The following CXCR5 variants were observed in gnomAD, a reference collection of about 807,000 sequenced individuals.
CXCR5 encodes C-X-C motif chemokine receptor 5.
CXCR5 carries 3 observed loss-of-function variants against 5.6 expected under a neutral mutation model. The ratio of observed to expected loss-of-function variants is 0.54; its 90% CI spans 0.24 to 1.39. CXCR5 has a LOEUF of 1.39. CXCR5 is among the 40% of genes most tolerant of loss of function. The pLI is 0.16. For missense variants in CXCR5, 333 were observed against 494.6 expected (o/e 0.67, Z 3.10); for synonymous variants, 218 against 219.9 (o/e 0.99, Z 0.08).
intron 1 of CXCR5, among the ~76,000 whole-genome samples, chr11:118,885,551 T>C (rs1218933003): frequency 6.6e-6 from 1 of 152,194 alleles, no homozygotes; most frequent in Non-Finnish European, 1.5e-5. Context: ...GCCGCTGGCC[T>C]CGCCTGATTA....
At chr11:118,890,896 C>G (rs951080923) in intron 1 of CXCR5, among the ~76,000 whole-genome samples, 8 of 152,220 alleles carry the variant, frequency 5.3e-5, no homozygotes, top group African/African-American at 1.4e-4. Flanking sequence ...CATGGGTACT[C>G]TAAAGAAAGT....
chr11:118,886,732 C>T (rs3176911), intron 1 of CXCR5: 1 of 238,268 alleles, frequency 4.2e-6, no homozygotes. Flanking sequence ...TAAACTATAC[C>T]TCCAGCCCCA....
In CXCR5 at chr11:118,894,571, A is replaced by G. The variant is rs757234761; in HGVS notation, c.1027A>G (p.Thr343Ala). 7 of 1,545,654 alleles carry G rather than the reference A, an allele frequency of 4.5e-6. No homozygotes were observed. The Admixed American group carries it at 7.6e-5, about 17-fold the overall frequency. The change falls in exon 2 of 2, where the codon ACC becomes GCC. Residue 343 changes from threonine to alanine, a missense_variant. Physicochemically the swap from Thr to Ala is moderately conservative, Grantham distance 58. Transcript: ENST00000292174. The surrounding 1 kb of genome is among the most constrained non-coding windows in gnomAD (Gnocchi z 6.1). ...GCGGCTCCTGACGAAGCTGGGCTGT[A>G]CCGGCCCTGCCTCCCTGTGCCAGCT... ...LSRLLTKLGC[T>A]GPASLCQLFP...
Position 118,895,461 on chromosome 11 carries a change from G to A in CXCR5, c.*798G>A, listed in dbSNP as rs896559579. On this transcript the variant is annotated 3_prime_UTR_variant, in exon 2 of 2. Coordinates refer to ENST00000292174, the MANE Select transcript of CXCR5 (RefSeq NM_001716.5). This position sits in a 1 kb window ranked among gnomAD's most constrained non-coding sequence, Gnocchi z 4.2. Reference sequence around the variant, plus strand: ...GAGGGAAGAAAAGAGCTTTCTTCCCGAACCCCAAGGAGGGAGATGGATCAA... The same window carrying A: ...GAGGGAAGAAAAGAGCTTTCTTCCCAAACCCCAAGGAGGGAGATGGATCAA... 4 of 167,158 alleles carry A rather than the reference G, an allele frequency of 2.4e-5. No individual in the cohort carries two copies. The highest frequency in any genetic ancestry group is 4.4e-5 in the Non-Finnish European group (3 of 68,134). 10.4% of individuals were successfully genotyped at this position (167,158 alleles called of 1,614,324 possible).
chr11:118,894,890 C>T lies in CXCR5; in HGVS notation c.*227C>T, dbSNP rs1330462073. 3.4e-5 allele frequency: 16 copies of T among 465,060 alleles called. No homozygotes were observed. In the Admixed American group the frequency reaches 5.7e-4, roughly 17 times the overall value. The allele number at this position is 465,060 out of a possible 1,614,324, so 28.8% of individuals were successfully genotyped here. On this transcript the variant is annotated 3_prime_UTR_variant, in exon 2 of 2. Coordinates refer to ENST00000292174, the MANE Select transcript of CXCR5 (RefSeq NM_001716.5). The surrounding 1 kb of genome is among the most constrained non-coding windows in gnomAD (Gnocchi z 6.1). ...GGAGCCCAGGGAGCGGAAAGCAGCT[C>T]AAAGGCACAGTGAAGGCTGTCCTTA... is the stretch of plus-strand genomic sequence containing the variant.
Position 118,895,119 on chromosome 11 carries a change from G to A in CXCR5, c.*456G>A, listed in dbSNP as rs539783663. Reference sequence around the variant, plus strand: ...CACCTGTCAAACAAAGCCAGAAGCTGAGCACCAGGGGATGAGTGGAGGTTA... The same window carrying A: ...CACCTGTCAAACAAAGCCAGAAGCTAAGCACCAGGGGATGAGTGGAGGTTA... On this transcript the variant is annotated 3_prime_UTR_variant, in exon 2 of 2. Coordinates refer to ENST00000292174, the MANE Select transcript of CXCR5 (RefSeq NM_001716.5). This position sits in a 1 kb window ranked among gnomAD's most constrained non-coding sequence, Gnocchi z 4.2. The A allele has an allele frequency of 5.8e-6, 1 of 171,922 alleles. No homozygotes were observed. Among genetic ancestry groups the A allele is most frequent in the East Asian group, 1.9e-4 (1 of 5,304 alleles). The allele number at this position is 171,922 out of a possible 1,614,324, so 10.6% of individuals were successfully genotyped here.
chr11:118,883,987 G>A lies in CXCR5; in HGVS notation c.46G>A (p.Asp16Asn), dbSNP rs1386009513. 2 of 1,612,668 alleles carry A rather than the reference G, an allele frequency of 1.2e-6. No homozygotes were observed. ...TLEMDLENLEDLFWELDRLDN... is the reference protein window; with the variant it reads ...TLEMDLENLENLFWELDRLDN... ...GGAAATGGACCTCGAGAACCTGGAG[G>A]ACCTGGTGAGTAGACACGGGTAGCT... Residue 16 changes from aspartate (D) to asparagine (N), a missense_variant, in exon 1 of 2, where the codon GAC becomes AAC. Coordinates refer to ENST00000292174, the MANE Select transcript of CXCR5 (RefSeq NM_001716.5).
Position 118,897,016 on chromosome 11 carries a change from T to C in CXCR5, c.*2353T>C, listed in dbSNP as rs1044125012. Reference sequence around the variant, plus strand: ...CCAAGGGGGAGGCAGTGGCTGTGCCTGGGTGGGCACAGACAGATCTGGTAC... The same window carrying C: ...CCAAGGGGGAGGCAGTGGCTGTGCCCGGGTGGGCACAGACAGATCTGGTAC... On this transcript the variant is annotated 3_prime_UTR_variant, in exon 2 of 2. Coordinates refer to ENST00000292174, the MANE Select transcript of CXCR5 (RefSeq NM_001716.5). 1.3e-5 allele frequency: 2 copies of C among 152,930 alleles called. No homozygotes were observed. Among genetic ancestry groups the C allele is most frequent in the African/African-American group, 2.4e-5 (1 of 41,428 alleles). The allele number at this position is 152,930 out of a possible 1,614,324, so 9.5% of individuals were successfully genotyped here.
rs764923840 is a variant in CXCR5 at position 118,893,886 on chromosome 11, C to T, written c.342C>T (p.Gly114=). ...TTGCCGTGGCCGAGGGCTCTGTGGGCTGGGTCCTGGGGACCTTCCTCTGCA... is the reference window on the plus strand; with the variant it reads ...TTGCCGTGGCCGAGGGCTCTGTGGGTTGGGTCCTGGGGACCTTCCTCTGCA... ...LPFAVAEGSV[G]WVLGTFLCKT... Residue 114 remains glycine, a synonymous_variant, in exon 2 of 2, where the codon GGC becomes GGT. Transcript: ENST00000292174. This position sits in a 1 kb window ranked among gnomAD's most constrained non-coding sequence, Gnocchi z 5.7. 4.3e-6 allele frequency: 7 copies of T among 1,614,044 alleles called. No homozygotes were observed. The East Asian group carries it at 1.6e-4, about 36-fold the overall frequency.
At position 118,896,693 on chromosome 11, in the gene CXCR5, G is replaced by T. The variant is rs551674149; in HGVS notation, c.*2030G>T. 6.5e-6 allele frequency: 1 copy of T among 153,022 alleles called. No individual in the cohort carries two copies. Among genetic ancestry groups the T allele is most frequent in the South Asian group, 2.1e-4 (1 of 4,836 alleles). 9.5% of individuals were successfully genotyped at this position (153,022 alleles called of 1,614,324 possible). A position where few individuals can be genotyped will look rare whatever the true frequency, so the allele number is the denominator to read the frequency against. On this transcript the variant is annotated 3_prime_UTR_variant, in exon 2 of 2. Transcript: ENST00000292174. ...GACAGCACCAGGCTGGGAGAAGTGG[G>T]GCGAGTTCCCTTTGTATTACAGCTG...
intron 1 of CXCR5, among the ~76,000 whole-genome samples, chr11:118,892,891 T>C (rs981753795): frequency 3.9e-5 from 6 of 152,146 alleles, no homozygotes; most frequent in East Asian, 1.9e-4. Context: ...GCAGGGAGCC[T>C]GCATCTGCTG....
rs1181170096 is a variant in CXCR5, at chr11:118,891,487, G to A, written c.52-2109G>A. 2.6e-5 allele frequency among the ~76,000 whole-genome samples: 4 copies of A among 152,064 alleles called. No homozygotes were observed. The East Asian group carries it at 5.8e-4, about 22-fold the overall frequency. On this transcript the variant is annotated intron_variant, in intron 1 of 1. Transcript: ENST00000292174. Reference sequence around the variant, plus strand: ...CCCAAAGTGCTGGGATTACAGGCCTGAGCCACCATGCCCAGACTCCAATCA... The same window carrying A: ...CCCAAAGTGCTGGGATTACAGGCCTAAGCCACCATGCCCAGACTCCAATCA...
chr11:118,891,190 A>G (rs1344150248), intron 1 of CXCR5, among the ~76,000 whole-genome samples: 1 of 152,070 alleles, frequency 6.6e-6, no homozygotes, highest in African/African-American at 2.4e-5. Context: ...TTTTGTAGAG[A>G]TGGGGTCTCG....
In CXCR5 at chr11:118,893,869, GC is replaced by G. The variant is rs755323597; in HGVS notation, c.327del (p.Glu110ArgfsTer16). 1 of 1,614,182 alleles carries G rather than the reference GC, an allele frequency of 6.2e-7. No homozygotes were observed. The highest frequency in any genetic ancestry group is 1.7e-5 in the Admixed American group (1 of 60,024). Reference protein sequence around the residue: ...LLVFILPFAVAEGSVGWVLGT... With the variant: ...LLVFILPFAVXEGSVGWVLGT... ...GGTCTTCATCTTGCCCTTTGCCGTG[GC>G]CGAGGGCTCTGTGGGCTGGGTCCTG... On this transcript the variant is annotated frameshift_variant, in exon 2 of 2. Transcript: ENST00000292174. LOFTEE classifies it low-confidence loss of function (END_TRUNC). This position sits in a 1 kb window ranked among gnomAD's most constrained non-coding sequence, Gnocchi z 5.7.
rs1386174340 is a variant in CXCR5, at chr11:118,893,852, T to A, written c.308T>A (p.Ile103Asn). The change falls in exon 2 of 2, where the codon ATC becomes AAC. Residue 103 changes from isoleucine to asparagine, a missense_variant. Physicochemically the swap from Ile to Asn is moderately radical, Grantham distance 149 (BLOSUM62 -3). Coordinates refer to ENST00000292174, the MANE Select transcript of CXCR5 (RefSeq NM_001716.5). The surrounding 1 kb of genome is among the most constrained non-coding windows in gnomAD (Gnocchi z 5.7). ...GTGGCCGACCTCCTGCTGGTCTTCA[T>A]CTTGCCCTTTGCCGTGGCCGAGGGC... ...LAVADLLLVF[I>N]LPFAVAEGSV... The A allele has an allele frequency of 6.2e-7, 1 of 1,614,100 alleles. No individual in the cohort carries two copies. Among genetic ancestry groups the A allele is most frequent in the Admixed American group, 1.7e-5 (1 of 59,974 alleles).
In CXCR5 at chr11:118,893,261, C is replaced by A; in HGVS notation, c.52-335C>A. Reference sequence around the variant, plus strand: ...GCAGGTCCATTCCCCAAATTGAAGTCCTGTGACTCCAGCCGCCAAGGCTGC... The same window carrying A: ...GCAGGTCCATTCCCCAAATTGAAGTACTGTGACTCCAGCCGCCAAGGCTGC... On this transcript the variant is annotated intron_variant, in intron 1 of 1. Transcript: ENST00000292174. The surrounding 1 kb of genome is among the most constrained non-coding windows in gnomAD (Gnocchi z 5.7). The A allele has an allele frequency of 2.8e-6, 1 of 354,054 alleles. No homozygotes were observed. Among genetic ancestry groups the A allele is most frequent in the South Asian group, 1.2e-4 (1 of 8,634 alleles). 21.9% of individuals were successfully genotyped at this position (354,054 alleles called of 1,614,324 possible). A position where few individuals can be genotyped will look rare whatever the true frequency, so the allele number is the denominator to read the frequency against.
chr11:118,890,768 T>A (rs906080923), intron 1 of CXCR5, among the ~76,000 whole-genome samples: 4 of 152,190 alleles, frequency 2.6e-5, no homozygotes, highest in Admixed American at 1.3e-4. Context: ...AATGAAAGCT[T>A]ATGTGTGAAG....
rs1939875208 is a variant in CXCR5 at position 118,894,754 on chromosome 11, C to T, written c.*91C>T. ...AACAGGAGCTGGGATCCTAAGGGCT[C>T]ACCGTGGCTAAGAGTGTCCTAGGAG... is the stretch of plus-strand genomic sequence containing the variant. On this transcript the variant is annotated 3_prime_UTR_variant, in exon 2 of 2. Coordinates refer to ENST00000292174, the MANE Select transcript of CXCR5 (RefSeq NM_001716.5). This position sits in a 1 kb window ranked among gnomAD's most constrained non-coding sequence, Gnocchi z 6.1. 7.5e-7 allele frequency: 1 copy of T among 1,329,820 alleles called. No homozygotes were observed. 82.4% of individuals were successfully genotyped at this position (1,329,820 alleles called of 1,614,324 possible). A position where few individuals can be genotyped will look rare whatever the true frequency, so the allele number is the denominator to read the frequency against.
At chr11:118,886,427 C>G (rs1565604651) in intron 1 of CXCR5, 1 of 430,654 alleles carries the variant, frequency 2.3e-6, no homozygotes, top group South Asian at 1.7e-5. Context: ...TCCTCTTGAA[C>G]TCGAAGACCA....
Sources: allele counts gnomAD v4.1 joint callset (sites outside exome capture counted in the v4.1 genomes callset), GRCh38; gene constraint gnomAD v4.1.1; non-coding constraint Gnocchi (gnomAD v3.1); transcripts MANE v1.5; gene names NCBI Gene and HGNC (gene_info 2026-07-23, HGNC 2026-07-21).